CHAF1B: variants seen among roughly 807,000 people sequenced by gnomAD.
CHAF1B encodes the protein chromatin assembly factor 1 subunit B.
A neutral mutation model predicts 60.7 loss-of-function variants in CHAF1B; 10 were observed. That is an observed-to-expected ratio of 0.16 (90% CI 0.10 to 0.28). CHAF1B has a LOEUF of 0.28. Among genes scored for constraint, CHAF1B ranks in the 10% least tolerant of loss-of-function variants. The pLI, the probability that CHAF1B is intolerant of heterozygous loss-of-function variation, is 1.00. For missense variants in CHAF1B, 558 were observed against 708.4 expected (o/e 0.79, Z 2.41); for synonymous variants, 261 against 266.1 (o/e 0.98, Z 0.19).
chr21:36,386,189 G>A lies in CHAF1B; in HGVS notation c.53G>A (p.Ser18Asn). ...IAWHNKEPVYSLDFQHGTAGR... is the reference protein window; with the variant it reads ...IAWHNKEPVYNLDFQHGTAGR... ...TGGCACAACAAGGAGCCCGTGTACA[G>A]CCTGGACTTCCAGCATGGGACGGCT... Residue 18 changes from serine (S) to asparagine (N), a missense_variant, in exon 2 of 14, where the codon AGC (serine) becomes AAC (asparagine). By Grantham distance (46) the Ser-to-Asn change is conservative. Transcript: ENST00000314103. The A allele has an allele frequency of 6.2e-7, 1 of 1,614,218 alleles. No individual in the cohort carries two copies. Among genetic ancestry groups the A allele is most frequent in the Non-Finnish European group, 8.5e-7 (1 of 1,180,036 alleles).
intron 5 of CHAF1B, 103 bp downstream of exon 5, chr21:36,394,753 A>ATTTT: frequency 1.5e-6 from 1 of 664,146 alleles, no homozygotes. Flanking sequence ...TTTTTTTGAG[A>ATTTT]CAGGATCTCA....
rs537552190 is a variant in CHAF1B at position 36,388,118 on chromosome 21, C to T, written c.259+388C>T. ...GATTACAGGCGTGAGCCACTGCGCC[C>T]GGCCTGGATATGCTTTTTAGTTCAG... On this transcript the variant is annotated intron_variant, in intron 3 of 13. Transcript: ENST00000314103. 5.3e-5 allele frequency among the ~76,000 whole-genome samples: 8 copies of T among 152,198 alleles called. No individual in the cohort carries two copies. In the East Asian group the frequency reaches 9.7e-4, roughly 18 times the overall value.
intron 4 of CHAF1B, 99 bp from the exon 5 acceptor site, chr21:36,394,448 A>T: frequency 1.3e-6 from 1 of 748,666 alleles, no homozygotes; most frequent in Non-Finnish European, 2.3e-6. Context: ...GACCACAGGC[A>T]GTCTGTCTAC....
chr21:36,391,473 A>C (rs1256765478), intron 3 of CHAF1B, 78 bp from the exon 4 acceptor site: 1 of 984,532 alleles, frequency 1.0e-6, no homozygotes, highest in Non-Finnish European at 1.5e-6. Flanking sequence ...CAAAAAAAAA[A>C]AAAAAAATGA....
chr21:36,406,705 T>G (rs1391540666), intron 8 of CHAF1B, among the ~76,000 whole-genome samples: 1 of 152,234 alleles, frequency 6.6e-6, no homozygotes, highest in Non-Finnish European at 1.5e-5. Flanking sequence ...TGGTCTCACA[T>G]AATTAGGATT....
At position 36,391,577 on chromosome 21, in the gene CHAF1B, A is replaced by G; in HGVS notation, c.286A>G (p.Asn96Asp). The G allele has an allele frequency of 6.2e-7, 1 of 1,612,812 alleles. No homozygotes were observed. The highest frequency in any genetic ancestry group is 8.5e-7 in the Non-Finnish European group (1 of 1,179,076). The change falls in exon 4 of 14, where the codon AAT becomes GAT. Residue 96 changes from asparagine (N) to aspartate (D), a missense_variant. Transcript: ENST00000314103. ...TGCTGTCATCCTATTGTGGAAGGTG[A>G]ATGATAACAAGGAGCCGGAGCAGAT... is the stretch of plus-strand genomic sequence containing the variant. ...DDAVILLWKV[N>D]DNKEPEQIAF...
At position 36,397,474 on chromosome 21, in the gene CHAF1B, C is replaced by A. The variant is rs773935139; in HGVS notation, c.541C>A (p.Pro181Thr). 2.6e-6 allele frequency: 4 copies of A among 1,563,436 alleles called. No homozygotes were observed. Among genetic ancestry groups the A allele is most frequent in the Admixed American group, 3.5e-5 (2 of 57,496 alleles). ...KSYVQGVTWD[P>T]LGQYVATLSC... is the part of the protein sequence containing the mutation. Reference sequence around the variant, plus strand: ...TTATGTCCAAGGAGTAACCTGGGACCCTTTGGGTCAATATGTTGCTACTCT... The same window carrying A: ...TTATGTCCAAGGAGTAACCTGGGACACTTTGGGTCAATATGTTGCTACTCT... The change falls in exon 6 of 14, where the codon CCT (proline) becomes ACT (threonine). Residue 181 changes from proline (P) to threonine (T), a missense_variant. This residue lies in a region of CHAF1B where 325 missense variants were observed against 493.5 expected (regional missense o/e 0.66). Transcript: ENST00000314103.
intron 5 of CHAF1B, among the ~76,000 whole-genome samples, chr21:36,395,401 A>T (rs1348151785): frequency 1.3e-5 from 2 of 152,242 alleles, no homozygotes; most frequent in Non-Finnish European, 2.9e-5. Flanking sequence ...GAACTAAAGT[A>T]GGTGGTTGGC....
chr21:36,411,753 A>G (rs1156777250), intron 11 of CHAF1B, 149 bp downstream of exon 11: 2 of 923,186 alleles, frequency 2.2e-6, no homozygotes, highest in Non-Finnish European at 3.2e-6. Context: ...TTTTGAGACC[A>G]AGTATCACTC....
In CHAF1B at chr21:36,410,841, A is replaced by G. The variant is rs141779725; in HGVS notation, c.920-622A>G. Among the ~76,000 whole-genome samples, 13 of 151,908 alleles carry G rather than the reference A, an allele frequency of 8.6e-5. No homozygotes were observed. In the East Asian group the frequency reaches 9.7e-4, roughly 11 times the overall value. On this transcript the variant is annotated intron_variant, in intron 10 of 13. Coordinates refer to ENST00000314103, the MANE Select transcript of CHAF1B (RefSeq NM_005441.3). Reference sequence around the variant, plus strand: ...ACACCCAGCTACTTTTTTTATTTTTAGTAGAGGCAGGGTTTTGCCATGTTG... The same window carrying G: ...ACACCCAGCTACTTTTTTTATTTTTGGTAGAGGCAGGGTTTTGCCATGTTG...
chr21:36,409,605 A>C (rs528127641), intron 10 of CHAF1B, 140 bp downstream of exon 10: 3 of 435,276 alleles, frequency 6.9e-6, no homozygotes, highest in Non-Finnish European at 1.2e-5. Context: ...AAAATATTTT[A>C]TTTTTACATT....
At chr21:36,415,480 C>A in intron 13 of CHAF1B, 91 bp downstream of exon 13, 2 of 914,164 alleles carry the variant, frequency 2.2e-6, no homozygotes, top group South Asian at 2.8e-5. Flanking sequence ...AATTTTAAGT[C>A]AGTTCTGAGA....
chr21:36,386,411 C>A, intron 2 of CHAF1B, 149 bp downstream of exon 2: 1 of 992,136 alleles, frequency 1.0e-6, no homozygotes, highest in Non-Finnish European at 1.4e-6. Context: ...TCGCTTGAGT[C>A]CAGGAGTTCG....
rs1249583611 is a variant in CHAF1B, at chr21:36,413,027, A to C, written c.1205A>C (p.Lys402Thr). 6.2e-7 allele frequency: 1 copy of C among 1,614,236 alleles called. No homozygotes were observed. The highest frequency in any genetic ancestry group is 1.7e-5 in the Admixed American group (1 of 60,016). ...ACTCCTGATACAGCAAAGAAAACCAAGAGTCAGACACATCGAGGGTCTTCG... is the reference window on the plus strand; with the variant it reads ...ACTCCTGATACAGCAAAGAAAACCACGAGTCAGACACATCGAGGGTCTTCG... ...MRTPDTAKKT[K>T]SQTHRGSSPG... Residue 402 changes from lysine (K) to threonine (T), a missense_variant, in exon 12 of 14, where the codon AAG becomes ACG. Physicochemically the swap from Lys to Thr is moderately conservative, Grantham distance 78 (BLOSUM62 -1). Around this residue, in one of 2 missense-constraint regions of CHAF1B, gnomAD observed 233 missense variants for 214.9 expected, o/e 1.08. Transcript: ENST00000314103.
rs749460534 is a variant in CHAF1B at position 36,391,559 on chromosome 21, A to T, written c.268A>T (p.Ile90Phe). 6.2e-7 allele frequency: 1 copy of T among 1,608,088 alleles called. No homozygotes were observed. The highest frequency in any genetic ancestry group is 1.3e-5 in the African/African-American group (1 of 74,736). Residue 90 changes from isoleucine (I) to phenylalanine (F), a missense_variant, in exon 4 of 14, where the codon ATC (isoleucine) becomes TTC (phenylalanine). By Grantham distance (21) the Ile-to-Phe change is conservative. This residue lies in a region of CHAF1B where 325 missense variants were observed against 493.5 expected (regional missense o/e 0.66). Transcript: ENST00000314103. ...ILASGGDDAV[I>F]LLWKVNDNKE... ...ACTGAATCACCCTGCAGATGCTGTCATCCTATTGTGGAAGGTGAATGATAA... is the reference window on the plus strand; with the variant it reads ...ACTGAATCACCCTGCAGATGCTGTCTTCCTATTGTGGAAGGTGAATGATAA...
Position 36,401,984 on chromosome 21 carries a change from G to A in CHAF1B, c.664-774G>A, listed in dbSNP as rs181397016. ...TCGTACTCCTGGACTCAAGTGATCC[G>A]CCCGCCTTGGCCTCCCAAAGTGCTG... On this transcript the variant is annotated intron_variant, in intron 7 of 13. Transcript: ENST00000314103. 4.2e-4 allele frequency among the ~76,000 whole-genome samples: 64 copies of A among 152,118 alleles called. 1 individual carries two copies. The South Asian group carries it at 0.011, about 27-fold the overall frequency.
At chr21:36,411,394 G>C (rs1038839918) in intron 10 of CHAF1B, 69 bp from the exon 11 acceptor site, 1 of 1,586,990 alleles carries the variant, frequency 6.3e-7, no homozygotes, top group Non-Finnish European at 8.6e-7. Flanking sequence ...GATTCTAGGC[G>C]TGAGCCATTG....
Position 36,402,787 on chromosome 21 carries a change from C to T in CHAF1B, c.693C>T (p.Asp231=). 6.2e-7 allele frequency: 1 copy of T among 1,613,966 alleles called. No individual in the cohort carries two copies. Among genetic ancestry groups the T allele is most frequent in the African/African-American group, 1.3e-5 (1 of 75,052 alleles). Residue 231 remains aspartate (D), a synonymous_variant, in exon 8 of 14, where the codon GAC becomes GAT. Transcript: ENST00000314103. ...GAAGCTACCGGATGTTTCACGACGA[C>T]AGCATGAAGTCTTTCTTCCGTAGAC... ...EARSYRMFHD[D]SMKSFFRRLS...
At chr21:36,398,401 T>C (rs559206721) in intron 6 of CHAF1B, among the ~76,000 whole-genome samples, 6 of 152,182 alleles carry the variant, frequency 3.9e-5, no homozygotes, top group East Asian at 1.9e-4. Context: ...ACTCTGTCAC[T>C]CTGGCTGGAA....
Sources: allele counts gnomAD v4.1 joint callset (sites outside exome capture counted in the v4.1 genomes callset), GRCh38; gene constraint gnomAD v4.1.1; regional missense constraint gnomAD v4.1.1; transcripts MANE v1.5; gene names NCBI Gene and HGNC (gene_info 2026-07-23, HGNC 2026-07-21).